Variants in ANKRD12 observed in about 807,000 individuals in gnomAD.
ANKRD12 encodes ankyrin repeat domain 12, also known as ankyrin repeat domain-containing protein 12.
Under a neutral mutation model 183.4 loss-of-function variants are expected in ANKRD12, and 85 were observed. The ratio of observed to expected loss-of-function variants is 0.46; its 90% CI spans 0.39 to 0.56. ANKRD12 has a LOEUF of 0.56. Among genes scored for constraint, ANKRD12 ranks in the 20% least tolerant of loss-of-function variants. The pLI is 0.00. For synonymous variants in ANKRD12, 914 were observed against 800.2 expected (o/e 1.14, Z -2.40); for missense variants, 2,405 against 2,357.1 (o/e 1.02, Z -0.42).
intron 1 of ANKRD12, among the ~76,000 whole-genome samples, chr18:9,168,071 C>G (rs1017596489): frequency 5.9e-5 from 9 of 152,178 alleles, no homozygotes; most frequent in Admixed American, 2.6e-4. Flanking sequence ...ATGAAGCCCA[C>G]TTGATCATGG....
chr18:9,191,763 T>A (rs1296927119), intron 2 of ANKRD12, among the ~76,000 whole-genome samples: 2 of 152,126 alleles, frequency 1.3e-5, no homozygotes, highest in East Asian at 1.9e-4. Flanking sequence ...AATCTTTCAC[T>A]CTCAGACCGA....
chr18:9,255,177 A>G lies in ANKRD12; in HGVS notation c.1910A>G (p.Asp637Gly), dbSNP rs1227385156. 1 of 1,587,216 alleles carries G rather than the reference A, an allele frequency of 6.3e-7. No individual in the cohort carries two copies. Among genetic ancestry groups the G allele is most frequent in the Non-Finnish European group, 8.5e-7 (1 of 1,172,522 alleles). ...CATAGTCCAACATTTGAAAATTCAGATTGCACACTGAAAAAAATGGATAAA... is the reference window on the plus strand; with the variant it reads ...CATAGTCCAACATTTGAAAATTCAGGTTGCACACTGAAAAAAATGGATAAA... The part of the protein sequence containing the change: ...EDHSPTFENS[D>G]CTLKKMDKEG... Residue 637 changes from aspartate (D) to glycine (G), a missense_variant, in exon 9 of 13, where the codon GAT becomes GGT. By Grantham distance (94) the Asp-to-Gly change is moderately conservative. Coordinates refer to ENST00000262126, the MANE Select transcript of ANKRD12 (RefSeq NM_015208.5).
At chr18:9,196,610 A>G (rs866851297) in intron 3 of ANKRD12, among the ~76,000 whole-genome samples, 1 of 152,230 alleles carries the variant, frequency 6.6e-6, no homozygotes, top group African/African-American at 2.4e-5. Context: ...AAATACTCAT[A>G]AAGATTTTTG....
chr18:9,141,620 G>T lies in ANKRD12; in HGVS notation c.-52+4655G>T, dbSNP rs184360741. Reference sequence around the variant, plus strand: ...TTATGAAGCTGAAAGTTACAGGGTGGAAGTCATTTCTTTTTCTTTGGCTTT... The same window carrying T: ...TTATGAAGCTGAAAGTTACAGGGTGTAAGTCATTTCTTTTTCTTTGGCTTT... On this transcript the variant is annotated intron_variant, in intron 1 of 12. Coordinates refer to ENST00000262126, the MANE Select transcript of ANKRD12 (RefSeq NM_015208.5). Among the ~76,000 whole-genome samples the T allele has an allele frequency of 2.9e-3, 434 of 152,262 alleles. 2 individuals carry two copies. The highest frequency in any genetic ancestry group is 0.017 in the Middle Eastern group (5 of 294).
intron 3 of ANKRD12, among the ~76,000 whole-genome samples, chr18:9,196,632 G>A (rs1003631005): frequency 2.0e-5 from 3 of 152,140 alleles, no homozygotes; most frequent in East Asian, 3.8e-4. Flanking sequence ...AACATTCTAT[G>A]CTAACATAGC....
At chr18:9,253,929 CTA>C (rs1158327243) in intron 8 of ANKRD12, among the ~76,000 whole-genome samples, 1 of 152,110 alleles carries the variant, frequency 6.6e-6, no homozygotes, top group Admixed American at 6.5e-5. Flanking sequence ...GACTGCAGGA[CTA>C]TGTTTTTATA....
At chr18:9,196,786 C>T (rs149536810) in intron 3 of ANKRD12, among the ~76,000 whole-genome samples, 354 of 152,184 alleles carry the variant, frequency 2.3e-3, no homozygotes, top group African/African-American at 6.4e-3. Flanking sequence ...GCAGTGATTA[C>T]GAAATCATGT....
chr18:9,187,884 G>A (rs1321149414), intron 2 of ANKRD12, among the ~76,000 whole-genome samples: 1 of 152,156 alleles, frequency 6.6e-6, no homozygotes, highest in Admixed American at 6.5e-5. Flanking sequence ...CGTCATCAGT[G>A]TAGTTCAGAC....
At chr18:9,185,869 C>T (rs2034013274) in intron 2 of ANKRD12, among the ~76,000 whole-genome samples, 1 of 152,104 alleles carries the variant, frequency 6.6e-6, no homozygotes, top group Non-Finnish European at 1.5e-5. Context: ...TTTAAATGAC[C>T]TTGATGAAAG....
chr18:9,234,355 C>A (rs557405819), intron 8 of ANKRD12, among the ~76,000 whole-genome samples: 2 of 152,258 alleles, frequency 1.3e-5, no homozygotes, highest in East Asian at 1.9e-4. Context: ...CGGGGGATCT[C>A]TCTCTCACAA....
intron 3 of ANKRD12, among the ~76,000 whole-genome samples, chr18:9,198,319 G>T (rs1367293765): frequency 1.3e-5 from 2 of 151,944 alleles, no homozygotes; most frequent in Admixed American, 6.6e-5. Flanking sequence ...TTATAGTTTG[G>T]AAAGAAATAC....
Position 9,257,246 on chromosome 18 carries a change from T to C in ANKRD12, c.3979T>C (p.Ser1327Pro). 6.2e-7 allele frequency: 1 copy of C among 1,614,050 alleles called. No homozygotes were observed. The highest frequency in any genetic ancestry group is 1.7e-5 in the Admixed American group (1 of 60,010). The change falls in exon 9 of 13, where the codon TCA becomes CCA. Residue 1327 changes from serine to proline, a missense_variant. By Grantham distance (74) the Ser-to-Pro change is moderately conservative (BLOSUM62 -1). Coordinates refer to ENST00000262126, the MANE Select transcript of ANKRD12 (RefSeq NM_015208.5). The part of the protein sequence containing the change: ...CEHTKQFQTI[S>P]EESNQGSLLT... ...ACATACCAAACAATTCCAAACAATA[T>C]CAGAAGAGAGCAATCAAGGTAGCTT...
intron 6 of ANKRD12, 23 bp downstream of exon 6, chr18:9,211,807 T>C (rs1598574121): frequency 5.7e-6 from 9 of 1,570,408 alleles, no homozygotes; most frequent in Middle Eastern, 3.4e-4. Context: ...ATTCAATACC[T>C]ACTATTCAGG....
intron 1 of ANKRD12, among the ~76,000 whole-genome samples, chr18:9,150,740 G>A (rs112253703): frequency 0.018 from 2,704 of 152,098 alleles, 86 homozygotes; most frequent in African/African-American, 0.061. Flanking sequence ...TGCAAGGTCC[G>A]CCTCCCAGGT....
At chr18:9,204,313 AC>A (rs1203395706) in intron 3 of ANKRD12, among the ~76,000 whole-genome samples, 162 bp from the exon 4 acceptor site, 1 of 152,226 alleles carries the variant, frequency 6.6e-6, no homozygotes, top group Non-Finnish European at 1.5e-5. Flanking sequence ...TGTTGACCAA[AC>A]CTGTGTTTTA....
chr18:9,248,574 T>C (rs2038101311), intron 8 of ANKRD12, among the ~76,000 whole-genome samples: 1 of 152,246 alleles, frequency 6.6e-6, no homozygotes, highest in Non-Finnish European at 1.5e-5. Context: ...AATTGTATTA[T>C]TACTTGTGTT....
In ANKRD12 at chr18:9,285,641, C is replaced by G. The variant is rs540500062; in HGVS notation, c.*4515C>G. 1.3e-5 allele frequency: 2 copies of G among 152,140 alleles called. No homozygotes were observed. The highest frequency in any genetic ancestry group is 4.8e-5 in the African/African-American group (2 of 41,536). 9.4% of individuals were successfully genotyped at this position (152,140 alleles called of 1,614,324 possible). On this transcript the variant is annotated 3_prime_UTR_variant, in exon 13 of 13. Transcript: ENST00000262126. ...TGTAAACACTCATGTTACCATCACC[C>G]AAATTAAGATATTGTAAAACATTTT...
At chr18:9,151,425 A>G (rs988008050) in intron 1 of ANKRD12, among the ~76,000 whole-genome samples, 3 of 152,236 alleles carry the variant, frequency 2.0e-5, no homozygotes, top group African/African-American at 7.2e-5. Flanking sequence ...AAGAAGCAGA[A>G]TTTTGGAACG....
chr18:9,271,914 T>C (rs2039621762), intron 10 of ANKRD12, among the ~76,000 whole-genome samples: 1 of 152,150 alleles, frequency 6.6e-6, no homozygotes, highest in South Asian at 2.1e-4. Flanking sequence ...TTCTTGAGGG[T>C]GTGAGGACCT....
Sources: allele counts gnomAD v4.1 joint callset (sites outside exome capture counted in the v4.1 genomes callset), GRCh38; gene constraint gnomAD v4.1.1; transcripts MANE v1.5; gene names NCBI Gene and HGNC (gene_info 2026-07-23, HGNC 2026-07-21).